PPFIA2: variants seen among roughly 807,000 people sequenced by gnomAD.
The protein encoded by PPFIA2 is PPFI scaffold protein A2.
A neutral mutation model predicts 175.5 loss-of-function variants in PPFIA2; 46 were observed. That is an observed-to-expected ratio of 0.26 (90% CI 0.21 to 0.34). The LOEUF is 0.34. Ranked by LOEUF, PPFIA2 falls within the 10% of genes least tolerant of loss-of-function variation. PPFIA2 has a pLI of 1.00. For synonymous variants in PPFIA2, 568 were observed against 511.4 expected (o/e 1.11, Z -1.49); for missense variants, 1,179 against 1,506.1 (o/e 0.78, Z 3.60).
chr12:81,354,582 G>A (rs1319601913), intron 16 of PPFIA2, among the ~76,000 whole-genome samples: 1 of 151,896 alleles, frequency 6.6e-6, no homozygotes, highest in Non-Finnish European at 1.5e-5. Flanking sequence ...CTCCACAGAA[G>A]TATTGAGCCC....
At chr12:81,439,577 C>A (rs191033303) in intron 7 of PPFIA2, among the ~76,000 whole-genome samples, 2 of 152,182 alleles carry the variant, frequency 1.3e-5, no homozygotes, top group East Asian at 3.9e-4. Context: ...TAAGAATAGG[C>A]AGGACCTGAG....
chr12:81,647,060 A>T (rs1033111525), intron 4 of PPFIA2, among the ~76,000 whole-genome samples: 1 of 32,044 alleles, frequency 3.1e-5, no homozygotes, highest in Non-Finnish European at 5.5e-5. Flanking sequence ...ACTGGTTAAA[A>T]AAAAAGGGGG....
At chr12:81,494,386 A>G (rs1346373210) in intron 4 of PPFIA2, among the ~76,000 whole-genome samples, 12 of 152,192 alleles carry the variant, frequency 7.9e-5, no homozygotes, top group Non-Finnish European at 1.8e-4. Context: ...AATCAAAACC[A>G]CAATGAGATA....
At chr12:81,294,338 A>T (rs955773439) in intron 24 of PPFIA2, among the ~76,000 whole-genome samples, 1 of 152,118 alleles carries the variant, frequency 6.6e-6, no homozygotes, top group African/African-American at 2.4e-5. Flanking sequence ...TAAGCCTTGC[A>T]TCTTTAGTAA....
chr12:81,318,587 G>T (rs1022875215), intron 22 of PPFIA2, among the ~76,000 whole-genome samples: 3 of 151,632 alleles, frequency 2.0e-5, no homozygotes, highest in Non-Finnish European at 4.4e-5. Flanking sequence ...ATGCCTTCTA[G>T]CTTCACACTT....
At chr12:81,740,256 A>T (rs2082165262) in intron 3 of PPFIA2, among the ~76,000 whole-genome samples, 1 of 152,170 alleles carries the variant, frequency 6.6e-6, no homozygotes, top group Admixed American at 6.6e-5. Flanking sequence ...TAAAACTCTG[A>T]TTGCAATGCA....
intron 4 of PPFIA2, among the ~76,000 whole-genome samples, chr12:81,486,606 A>G (rs1265020253): frequency 6.6e-6 from 1 of 151,872 alleles, no homozygotes; most frequent in Non-Finnish European, 1.5e-5. Context: ...AGATTTTCAA[A>G]TTTAGATGCT....
chr12:81,756,972 GTCT>G (rs1240213641), intron 2 of PPFIA2, among the ~76,000 whole-genome samples: 2 of 151,982 alleles, frequency 1.3e-5, no homozygotes, highest in African/African-American at 4.8e-5. Flanking sequence ...TAAATCCAAA[GTCT>G]TCTTATCAAA....
At chr12:81,680,226 AT>A (rs1456766923) in intron 3 of PPFIA2, among the ~76,000 whole-genome samples, 1 of 151,992 alleles carries the variant, frequency 6.6e-6, no homozygotes, top group Non-Finnish European at 1.5e-5. Context: ...TGAGGTCATC[AT>A]TTGTATCTAA....
chr12:81,424,989 A>C (rs879085433), intron 7 of PPFIA2: 2 of 152,240 alleles, frequency 1.3e-5, no homozygotes, highest in Admixed American at 6.5e-5. Flanking sequence ...GAGAGATTAG[A>C]AGAAATGAAT....
chr12:81,377,181 TA>T (rs534732269), intron 9 of PPFIA2, among the ~76,000 whole-genome samples: 19 of 152,240 alleles, frequency 1.2e-4, no homozygotes, highest in African/African-American at 4.3e-4. Context: ...TTTATACATG[TA>T]CCATATTTAT....
At chr12:81,538,900 CT>C (rs1173820126) in intron 4 of PPFIA2, among the ~76,000 whole-genome samples, 2 of 151,868 alleles carry the variant, frequency 1.3e-5, no homozygotes, top group Middle Eastern at 3.2e-3. Flanking sequence ...ACTTTGGCTG[CT>C]GTGTTGAGAA....
chr12:81,701,515 A>G (rs547584453), intron 3 of PPFIA2, among the ~76,000 whole-genome samples: 2 of 151,998 alleles, frequency 1.3e-5, no homozygotes, highest in Non-Finnish European at 2.9e-5. Flanking sequence ...GCTTTGTGTC[A>G]GGCTACTTGG....
At chr12:81,554,396 C>A (rs2153377034) in intron 4 of PPFIA2, among the ~76,000 whole-genome samples, 1 of 152,148 alleles carries the variant, frequency 6.6e-6, no homozygotes, top group Admixed American at 6.6e-5. Flanking sequence ...ACAACTGGAA[C>A]TGGGAACCGA....
intron 3 of PPFIA2, among the ~76,000 whole-genome samples, chr12:81,742,311 C>T (rs2082420136): frequency 6.6e-6 from 1 of 152,086 alleles, no homozygotes; most frequent in South Asian, 2.1e-4. Flanking sequence ...CGATGAGCTA[C>T]AAGGACACAA....
chr12:81,681,960 G>C (rs2073720263), intron 3 of PPFIA2, among the ~76,000 whole-genome samples: 1 of 151,990 alleles, frequency 6.6e-6, no homozygotes, highest in South Asian at 2.1e-4. Flanking sequence ...TTAATATCAG[G>C]TTTTAAGCTT....
rs79873214 is a variant in PPFIA2, at chr12:81,501,489, G to T, written c.304-43623C>A. On this transcript the variant is annotated intron_variant, in intron 4 of 32. Coordinates refer to ENST00000549396, the MANE Select transcript of PPFIA2 (RefSeq NM_003625.5). ...CTCCTGAATACTGTGTAAGCTCCAT[G>T]ATACAGGCACTTTTCTCTATTTCGA... Among the ~76,000 whole-genome samples the T allele has an allele frequency of 1.3e-4, 20 of 152,102 alleles. No homozygotes were observed. The East Asian group carries it at 3.9e-3, about 29-fold the overall frequency.
intron 4 of PPFIA2, among the ~76,000 whole-genome samples, chr12:81,659,716 C>A (rs2153544480): frequency 6.6e-6 from 1 of 152,260 alleles, no homozygotes; most frequent in South Asian, 2.1e-4. Flanking sequence ...ACTGGTTCTC[C>A]CAGCATGCAG....
chr12:81,498,304 T>C (rs1319397587), intron 4 of PPFIA2, among the ~76,000 whole-genome samples: 1 of 152,196 alleles, frequency 6.6e-6, no homozygotes, highest in African/African-American at 2.4e-5. Flanking sequence ...TTTCTACTAA[T>C]ATTACTCTGT....
Sources: allele counts gnomAD v4.1 joint callset (sites outside exome capture counted in the v4.1 genomes callset), GRCh38; gene constraint gnomAD v4.1.1; transcripts MANE v1.5; gene names NCBI Gene and HGNC (gene_info 2026-07-23, HGNC 2026-07-21).